Variants in EPB41L4A observed in about 807,000 individuals in gnomAD.
The protein encoded by EPB41L4A is band 4.1-like protein 4A.
Under a neutral mutation model 108.6 loss-of-function variants are expected in EPB41L4A, and 100 were observed. The ratio of observed to expected loss-of-function variants is 0.92; its 90% CI spans 0.78 to 1.09. The LOEUF (loss-of-function observed/expected upper bound fraction) is 1.09, where lower values mean the gene tolerates loss of function less well. EPB41L4A is among the 50% of genes least tolerant of loss of function. The probability of loss-of-function intolerance (pLI) is 0.00; values close to 1 mark genes in which losing one functional copy is unlikely to be tolerated. For missense variants in EPB41L4A, 1,030 were observed against 842.7 expected, an observed-to-expected ratio of 1.22 and a Z score of -2.75; for synonymous variants, 319 against 289.0, an observed-to-expected ratio of 1.10 and a Z score of -1.05.
intron 17 of EPB41L4A, among the ~76,000 whole-genome samples, chr5:112,193,321 A>T (rs1432769429): frequency 1.3e-5 from 2 of 151,908 alleles, no homozygotes; most frequent in Non-Finnish European, 2.9e-5. Context: ...TTTCTATATG[A>T]GATGAAGTTT....
intron 1 of EPB41L4A, among the ~76,000 whole-genome samples, chr5:112,404,718 C>T (rs769400446): frequency 6.6e-6 from 1 of 152,166 alleles, no homozygotes; most frequent in Non-Finnish European, 1.5e-5. Flanking sequence ...AAGCATAACT[C>T]TAGATTTAAG....
At chr5:112,300,441 T>A (rs1177475344) in intron 2 of EPB41L4A, among the ~76,000 whole-genome samples, 1 of 152,186 alleles carries the variant, frequency 6.6e-6, no homozygotes. Context: ...TCTTGGCTGA[T>A]AATTGTTTTG....
chr5:112,255,709 G>A (rs1033124455), intron 9 of EPB41L4A, among the ~76,000 whole-genome samples: 8 of 151,898 alleles, frequency 5.3e-5, no homozygotes, highest in African/African-American at 9.7e-5. Context: ...AGGTAGTCTC[G>A]TGGCTTCAAA....
At chr5:112,343,297 T>C (rs139943557) in intron 1 of EPB41L4A, among the ~76,000 whole-genome samples, 303 of 152,276 alleles carry the variant, frequency 2.0e-3, no homozygotes, top group Middle Eastern at 6.8e-3. Context: ...ATATATAGTA[T>C]GGAGACAAGG....
At position 112,419,043 on chromosome 5, in the gene EPB41L4A, G is replaced by T. The variant is rs369055745; in HGVS notation, c.-4C>A. 4.3e-6 allele frequency: 7 copies of T among 1,611,510 alleles called. No homozygotes were observed. The highest frequency in any genetic ancestry group is 5.9e-6 in the Non-Finnish European group (7 of 1,178,274). On this transcript the variant is annotated 5_prime_UTR_variant, in exon 1 of 23. Coordinates refer to ENST00000261486, the MANE Select transcript of EPB41L4A (RefSeq NM_022140.5). ...GAACAGCGCAGAAACAGCCCATGTC[G>T]GTTGTGGTCGTCTCCAGCCAGGAGA... is the stretch of plus-strand genomic sequence containing the variant.
chr5:112,180,122 GATGA>G (rs1454405461), intron 18 of EPB41L4A, among the ~76,000 whole-genome samples: 4 of 152,056 alleles, frequency 2.6e-5, no homozygotes, highest in Non-Finnish European at 5.9e-5. Flanking sequence ...AAAACAAATG[GATGA>G]ATAAGATATT....
At chr5:112,336,228 T>C (rs1756908317) in intron 1 of EPB41L4A, among the ~76,000 whole-genome samples, 1 of 152,112 alleles carries the variant, frequency 6.6e-6, no homozygotes, top group Non-Finnish European at 1.5e-5. Context: ...TAAGTTAATT[T>C]TAAGACCAAA....
At chr5:112,274,550 A>G (rs1328467055) in intron 4 of EPB41L4A, among the ~76,000 whole-genome samples, 4 of 152,210 alleles carry the variant, frequency 2.6e-5, no homozygotes, top group Admixed American at 2.6e-4. Flanking sequence ...TACCAAAGAC[A>G]TGATTTTCAA....
At chr5:112,362,169 C>A (rs1322538142) in intron 1 of EPB41L4A, among the ~76,000 whole-genome samples, 2 of 152,150 alleles carry the variant, frequency 1.3e-5, no homozygotes, top group African/African-American at 2.4e-5. Context: ...ACAAGTACAA[C>A]CATAGCTCAC....
At chr5:112,418,050 G>T (rs896207718) in intron 1 of EPB41L4A, among the ~76,000 whole-genome samples, 1 of 149,672 alleles carries the variant, frequency 6.7e-6, no homozygotes, top group Non-Finnish European at 1.5e-5. Context: ...GAGCGGGGGC[G>T]GGGGGGCGGT....
At chr5:112,143,943 C>A in intron 13 of EPB41L4A, 1 of 439,898 alleles carries the variant, frequency 2.3e-6, no homozygotes, top group Non-Finnish European at 4.6e-6. Context: ...TACCAGAAGC[C>A]TGGAATAATA....
At chr5:112,296,073 G>A (rs1209102910) in intron 2 of EPB41L4A, among the ~76,000 whole-genome samples, 1 of 152,112 alleles carries the variant, frequency 6.6e-6, no homozygotes, top group Non-Finnish European at 1.5e-5. Context: ...AATAATGACT[G>A]GCTTTGTCCA....
At chr5:112,269,071 C>G (rs1296372634) in intron 4 of EPB41L4A, among the ~76,000 whole-genome samples, 3 of 152,050 alleles carry the variant, frequency 2.0e-5, no homozygotes, top group Non-Finnish European at 4.4e-5. Context: ...GTATCTAGGG[C>G]TCAGCACATA....
Position 112,261,658 on chromosome 5 carries a change from G to C in EPB41L4A, c.642+836C>G, listed in dbSNP as rs182075537. ...TTGCTCACTGATGACTATTCAGCAA[G>C]TTTTCATAAACCACTGAAAAAAATC... On this transcript the variant is annotated intron_variant, in intron 7 of 22. Coordinates refer to ENST00000261486, the MANE Select transcript of EPB41L4A (RefSeq NM_022140.5). 1.0e-3 allele frequency among the ~76,000 whole-genome samples: 152 copies of C among 152,220 alleles called. 1 individual carries two copies. The Middle Eastern group carries it at 0.014, about 14-fold the overall frequency.
chr5:112,200,053 T>C (rs1762146945), intron 15 of EPB41L4A, among the ~76,000 whole-genome samples: 1 of 152,224 alleles, frequency 6.6e-6, no homozygotes, highest in African/African-American at 2.4e-5. Flanking sequence ...AAAGTCCAGG[T>C]GGGCTGTAAG....
intron 1 of EPB41L4A, among the ~76,000 whole-genome samples, chr5:112,328,776 C>A (rs1286403768): frequency 6.6e-6 from 1 of 152,198 alleles, no homozygotes; most frequent in Non-Finnish European, 1.5e-5. Flanking sequence ...CAATTCCTTG[C>A]ATTTTTTGGT....
chr5:112,226,909 A>T (rs1236089088), intron 12 of EPB41L4A, among the ~76,000 whole-genome samples: 3 of 151,674 alleles, frequency 2.0e-5, no homozygotes, highest in Admixed American at 2.0e-4. Context: ...CAATGTGAAT[A>T]TATTTAATAC....
At chr5:112,186,889 C>G (rs1382508119) in intron 17 of EPB41L4A, among the ~76,000 whole-genome samples, 1 of 152,150 alleles carries the variant, frequency 6.6e-6, no homozygotes, top group African/African-American at 2.4e-5. Flanking sequence ...CCTTAAGAGG[C>G]AGGAGTAACT....
chr5:112,156,130 T>A (rs1025962907), intron 12 of EPB41L4A, among the ~76,000 whole-genome samples: 3 of 152,096 alleles, frequency 2.0e-5, no homozygotes, highest in Non-Finnish European at 4.4e-5. Flanking sequence ...AGAACCCATA[T>A]GTTCATCTCA....
Sources: gnomAD v4.1 joint callset for allele counts (sites outside exome capture counted in the v4.1 genomes callset) on GRCh38, gnomAD v4.1.1 for gene constraint, MANE v1.5 for transcripts, NCBI Gene and HGNC (gene_info 2026-07-23, HGNC 2026-07-21) for gene names.